The following PGS1 variants were observed in gnomAD, a reference collection of about 807,000 sequenced individuals.
PGS1 encodes phosphatidylglycerophosphate synthase 1.
Under a neutral mutation model 58.3 loss-of-function variants are expected in PGS1, and 44 were observed. The observed-to-expected ratio is 0.75, with a 90% CI of 0.59 to 0.97. The LOEUF (loss-of-function observed/expected upper bound fraction) is 0.97, where lower values mean the gene tolerates loss of function less well. Among genes scored for constraint, PGS1 ranks in the 50% least tolerant of loss-of-function variants. The pLI, the probability that PGS1 is intolerant of heterozygous loss-of-function variation, is 0.00. For missense variants in PGS1, 684 were observed against 731.1 expected, an observed-to-expected ratio of 0.94 and a Z score of 0.74; for synonymous variants, 330 against 311.0, an observed-to-expected ratio of 1.06 and a Z score of -0.64.
intron 8 of PGS1, among the ~76,000 whole-genome samples, chr17:78,417,637 C>A (rs1474452841): frequency 1.3e-5 from 2 of 151,954 alleles, no homozygotes; most frequent in East Asian, 3.9e-4. Flanking sequence ...AGGGAGTGTG[C>A]CACTTTGAGT....
chr17:78,395,432 A>G (rs761381074), intron 2 of PGS1, among the ~76,000 whole-genome samples: 1 of 152,082 alleles, frequency 6.6e-6, no homozygotes, highest in South Asian at 2.1e-4. Flanking sequence ...TGTGTTGACA[A>G]TGCAGGGTGG....
chr17:78,415,557 A>G (rs1300863826), intron 8 of PGS1, among the ~76,000 whole-genome samples: 1 of 152,212 alleles, frequency 6.6e-6, no homozygotes, highest in African/African-American at 2.4e-5. Context: ...GCTTGAACCT[A>G]GGAAGCAGAG....
At chr17:78,390,958 T>G (rs1203625818) in intron 1 of PGS1, among the ~76,000 whole-genome samples, 1 of 152,076 alleles carries the variant, frequency 6.6e-6, no homozygotes, top group African/African-American at 2.4e-5. Flanking sequence ...TTTTCTTCTT[T>G]GAGATGGAGT....
intron 3 of PGS1, 172 bp from the exon 4 acceptor site, chr17:78,398,080 G>A (rs1458004686): frequency 1.4e-6 from 1 of 694,898 alleles, no homozygotes; most frequent in Non-Finnish European, 2.7e-6. Flanking sequence ...TGATGATCAT[G>A]AAGGTGCTCT....
At chr17:78,409,005 G>A (rs963153444) in intron 7 of PGS1, among the ~76,000 whole-genome samples, 38 of 152,368 alleles carry the variant, frequency 2.5e-4, no homozygotes, top group Non-Finnish European at 1.3e-4. Flanking sequence ...TGAAAGTGTG[G>A]TATCTGCTGG....
rs1336092879 is a variant in PGS1, at chr17:78,378,661, T to A, written c.-5T>A. On this transcript the variant is annotated 5_prime_UTR_variant, in exon 1 of 10. Transcript: ENST00000262764. ...CGGGAGCGGAAGCGGAAGCGGCGAG[T>A]CTCCATGGCGGTGGCGGCGGCAGCT... The A allele has an allele frequency of 1.3e-6, 2 of 1,529,428 alleles. No individual in the cohort carries two copies. The highest frequency in any genetic ancestry group is 2.0e-5 in the Admixed American group (1 of 49,420). The allele number at this position is 1,529,428 out of a possible 1,614,324, so 94.7% of individuals were successfully genotyped here.
intron 8 of PGS1, 131 bp from the exon 9 acceptor site, chr17:78,419,413 ATC>A: frequency 1.3e-6 from 1 of 746,694 alleles, no homozygotes; most frequent in Admixed American, 2.0e-5. Context: ...CACCCTGGGA[ATC>A]TCTGGGCCAG....
chr17:78,407,784 T>C (rs998236821), intron 7 of PGS1, among the ~76,000 whole-genome samples: 1 of 152,240 alleles, frequency 6.6e-6, no homozygotes. Context: ...ACGGAGTGAC[T>C]GTGTTGAACT....
At chr17:78,405,403 CT>C (rs1467232979) in intron 7 of PGS1, among the ~76,000 whole-genome samples, 1 of 152,116 alleles carries the variant, frequency 6.6e-6, no homozygotes, top group Non-Finnish European at 1.5e-5. Context: ...GTTTTTTTCC[CT>C]ATATGCCAAT....
rs2081808791 is a variant in PGS1 at position 78,378,705 on chromosome 17, T to C, written c.40T>C (p.Trp14Arg). The change falls in exon 1 of 10, where the codon TGG becomes CGG. Residue 14 changes from tryptophan (W) to arginine (R), a missense_variant. Physicochemically the swap from Trp to Arg is moderately radical, Grantham distance 101 (BLOSUM62 -3). Coordinates refer to ENST00000262764, the MANE Select transcript of PGS1 (RefSeq NM_024419.5). ...GGCAGCTGCGGCGGGACCCGTGTTC[T>C]GGAGGCGACTGCTGGGCCTCCTGCC... ...AAAAAAGPVF[W>R]RRLLGLLPGR... The C allele has an allele frequency of 1.3e-6, 2 of 1,522,328 alleles. No homozygotes were observed. Among genetic ancestry groups the C allele is most frequent in the South Asian group, 1.2e-5 (1 of 82,356 alleles). The allele number at this position is 1,522,328 out of a possible 1,614,324, so 94.3% of individuals were successfully genotyped here.
At chr17:78,420,122 C>T in intron 9 of PGS1, 9 of 1,035,594 alleles carry the variant, frequency 8.7e-6, no homozygotes, top group Non-Finnish European at 1.0e-5. Flanking sequence ...GCTGCCCTGG[C>T]CGGCTGTAGT....
At chr17:78,406,428 C>G (rs1266044607) in intron 7 of PGS1, among the ~76,000 whole-genome samples, 1 of 152,252 alleles carries the variant, frequency 6.6e-6, no homozygotes, top group Non-Finnish European at 1.5e-5. Flanking sequence ...ATTCTGATGC[C>G]TAGCCTAGCC....
intron 2 of PGS1, among the ~76,000 whole-genome samples, chr17:78,394,285 G>T (rs1411972562): frequency 1.3e-5 from 2 of 149,630 alleles, no homozygotes; most frequent in African/African-American, 4.9e-5. Context: ...TTTCACCTTT[G>T]TGCAGAAAAT....
chr17:78,415,023 A>G lies in PGS1; in HGVS notation c.1547A>G (p.His516Arg). 1 of 1,612,590 alleles carries G rather than the reference A, an allele frequency of 6.2e-7. No homozygotes were observed. The highest frequency in any genetic ancestry group is 8.5e-7 in the Non-Finnish European group (1 of 1,179,978). The change falls in exon 8 of 10, where the codon CAC (histidine) becomes CGC (arginine). Residue 516 changes from histidine (H) to arginine (R), a missense_variant. Physicochemically the swap from His to Arg is conservative, Grantham distance 29. Transcript: ENST00000262764. Reference sequence around the variant, plus strand: ...AACCAGGCCCTGCAGCAGCAGCTTCACCAGGTTGGTCGCAGCAAGTGGGAT... The same window carrying G: ...AACCAGGCCCTGCAGCAGCAGCTTCGCCAGGTTGGTCGCAGCAAGTGGGAT... ...TENQALQQQL[H>R]QEQEQLYLRS...
chr17:78,404,572 C>G (rs943203229), intron 7 of PGS1, among the ~76,000 whole-genome samples: 2 of 152,104 alleles, frequency 1.3e-5, no homozygotes, highest in African/African-American at 4.8e-5. Flanking sequence ...AAATCCGTCT[C>G]TTTTATGCAT....
intron 5 of PGS1, 133 bp downstream of exon 5, chr17:78,399,670 G>A (rs1035366904): frequency 6.2e-5 from 50 of 807,708 alleles, no homozygotes; most frequent in Non-Finnish European, 6.5e-5. Context: ...CTGTGCACCC[G>A]CGGCACCTCC....
At chr17:78,399,875 A>C (rs2083520528) in intron 5 of PGS1, 1 of 307,544 alleles carries the variant, frequency 3.3e-6, no homozygotes, top group African/African-American at 2.2e-5. Context: ...TCAGGTAGAC[A>C]GAGCCAGAAA....
rs200124319 is a variant in PGS1, at chr17:78,396,946, T to C, written c.411+561T>C. On this transcript the variant is annotated intron_variant, in intron 3 of 9. Coordinates refer to ENST00000262764, the MANE Select transcript of PGS1 (RefSeq NM_024419.5). ...TTTGGCCCGTAAAGCTCCAAATATT[T>C]ACTCTCTGGCCGTTTACACAAAAGG... is the stretch of plus-strand genomic sequence containing the variant. 2.3e-3 allele frequency among the ~76,000 whole-genome samples: 345 copies of C among 152,352 alleles called. 2 individuals carry two copies. The highest frequency in any genetic ancestry group is 7.7e-3 in the African/African-American group (321 of 41,586).
intron 9 of PGS1, chr17:78,420,709 G>T (rs1568012654): frequency 6.6e-6 from 1 of 152,190 alleles, no homozygotes; most frequent in East Asian, 1.9e-4. Context: ...GCTTTTCCTA[G>T]TTATTTTAAT....
Sources: gnomAD v4.1 joint callset for allele counts (sites outside exome capture counted in the v4.1 genomes callset) on GRCh38, gnomAD v4.1.1 for gene constraint, MANE v1.5 for transcripts, NCBI Gene and HGNC (gene_info 2026-07-23, HGNC 2026-07-21) for gene names.